Variants in SMYD2 observed in about 807,000 individuals in gnomAD.
SMYD2 encodes N-lysine methyltransferase SMYD2.
In SMYD2, 53 loss-of-function variants were observed where a neutral mutation model predicts 59.1. That is an observed-to-expected ratio of 0.90 (90% CI 0.72 to 1.13). The LOEUF (loss-of-function observed/expected upper bound fraction) is 1.13. Ranked by LOEUF, SMYD2 falls within the 50% of genes most tolerant of loss-of-function variation. The pLI is 0.00. For synonymous variants in SMYD2, 208 were observed against 198.8 expected (o/e 1.05, Z -0.39); for missense variants, 494 against 544.7 (o/e 0.91, Z 0.93).
rs1445420939 is a variant in SMYD2, at chr1:214,312,315, A to G, written c.238-2447A>G. ...GTAGGGAGATATCTTCATTCCTTCAACAACTATATTGAGTGCCTACTAAAT... is the reference window on the plus strand; with the variant it reads ...GTAGGGAGATATCTTCATTCCTTCAGCAACTATATTGAGTGCCTACTAAAT... On this transcript the variant is annotated intron_variant, in intron 2 of 11. Coordinates refer to ENST00000366957, the MANE Select transcript of SMYD2 (RefSeq NM_020197.3). This position sits in a 1 kb window ranked among gnomAD's most constrained non-coding sequence, Gnocchi z 4.1. 6.6e-6 allele frequency among the ~76,000 whole-genome samples: 1 copy of G among 152,142 alleles called. No individual in the cohort carries two copies. The highest frequency in any genetic ancestry group is 1.5e-5 in the Non-Finnish European group (1 of 68,032).
At position 214,305,087 on chromosome 1, in the gene SMYD2, C is replaced by T. The variant is rs371754046; in HGVS notation, c.174-100C>T. 172 of 1,103,290 alleles carry T rather than the reference C, an allele frequency of 1.6e-4. No homozygotes were observed. In the South Asian group the frequency reaches 2.1e-3, roughly 14 times the overall value. The allele number at this position is 1,103,290 out of a possible 1,614,324, so 68.3% of individuals were successfully genotyped here. A position where few individuals can be genotyped will look rare whatever the true frequency, so the allele number is the denominator to read the frequency against. ...GAGAGTAAGGTAAGGTGAACCTTGG[C>T]TCTGCTTTCCAACCAAGTGGCTTTT... On this transcript the variant is annotated intron_variant, in intron 1 of 11. Transcript: ENST00000366957.
At position 214,324,709 on chromosome 1, in the gene SMYD2, G is replaced by A. The variant is rs1657234710; in HGVS notation, c.602+1G>A. The A allele has an allele frequency of 6.2e-7, 1 of 1,611,406 alleles. No individual in the cohort carries two copies. The highest frequency in any genetic ancestry group is 8.5e-7 in the Non-Finnish European group (1 of 1,178,720). ...ATTTGGGATCAGCGATATTTCCTGA[G>A]TAGGCTGTGTTTGACTTCATTTCTT... On this transcript the variant is annotated splice_donor_variant, in intron 6 of 11. Coordinates refer to ENST00000366957, the MANE Select transcript of SMYD2 (RefSeq NM_020197.3). LOFTEE classifies it high-confidence loss of function.
At chr1:214,283,180 A>AC (rs1206322171) in intron 1 of SMYD2, among the ~76,000 whole-genome samples, 1 of 152,242 alleles carries the variant, frequency 6.6e-6, no homozygotes, top group African/African-American at 2.4e-5. Context: ...AATTGTATCT[A>AC]CTACGCATAC....
At chr1:214,290,499 A>G (rs558153626) in intron 1 of SMYD2, among the ~76,000 whole-genome samples, 9 of 152,336 alleles carry the variant, frequency 5.9e-5, no homozygotes, top group African/African-American at 2.2e-4. Context: ...TGGCAAGTTT[A>G]TAGTCCCTAG....
chr1:214,331,821 G>A (rs143026763), intron 9 of SMYD2, 197 bp from the exon 10 acceptor site: 23 of 561,540 alleles, frequency 4.1e-5, no homozygotes, highest in East Asian at 2.4e-4. Flanking sequence ...TGAGTTGAGC[G>A]GTTCCGACCT....
chr1:214,282,456 C>T (rs1656466470), intron 1 of SMYD2, among the ~76,000 whole-genome samples: 1 of 152,192 alleles, frequency 6.6e-6, no homozygotes, highest in Non-Finnish European at 1.5e-5. Flanking sequence ...CCTTCCAGTA[C>T]TCTGAGTAGA....
chr1:214,303,652 C>G (rs972262684), intron 1 of SMYD2, among the ~76,000 whole-genome samples: 21 of 152,336 alleles, frequency 1.4e-4, no homozygotes, highest in African/African-American at 5.1e-4. Flanking sequence ...CTGTTTAGTT[C>G]CAACAGCAGA....
At chr1:214,288,690 T>C (rs995842788) in intron 1 of SMYD2, among the ~76,000 whole-genome samples, 1 of 152,368 alleles carries the variant, frequency 6.6e-6, no homozygotes, top group South Asian at 2.1e-4. Context: ...TATGCTGATA[T>C]GGACTTAAAC....
intron 1 of SMYD2, among the ~76,000 whole-genome samples, chr1:214,299,451 G>A (rs978415828): frequency 9.8e-6 from 1 of 101,740 alleles, no homozygotes; most frequent in Non-Finnish European, 1.9e-5. Flanking sequence ...ACAGTGAACT[G>A]GATAAAGAAA....
intron 1 of SMYD2, among the ~76,000 whole-genome samples, chr1:214,281,710 G>C (rs1209743509): frequency 6.6e-6 from 1 of 152,230 alleles, no homozygotes; most frequent in African/African-American, 2.4e-5. Context: ...GGGCGTGCAG[G>C]TTCCTGCCCT....
At chr1:214,331,250 A>G in intron 9 of SMYD2, 180 bp downstream of exon 9, 1 of 920,882 alleles carries the variant, frequency 1.1e-6, no homozygotes, top group Non-Finnish European at 1.6e-6. Context: ...ATCCTGTTGG[A>G]GTTGTATGAT....
chr1:214,305,701 T>C, intron 2 of SMYD2, among the ~76,000 whole-genome samples: 1 of 130,560 alleles, frequency 7.7e-6, no homozygotes, highest in East Asian at 2.4e-4. Flanking sequence ...TAGTCCAGCC[T>C]CTGTATAGCC....
In SMYD2 at chr1:214,325,796, T is replaced by TTA. The variant is rs1553255940; in HGVS notation, c.602+1088_602+1089insTA. 8.3e-3 allele frequency among the ~76,000 whole-genome samples: 1,148 copies of TTA among 138,288 alleles called. 20 individuals carry two copies. The highest frequency in any genetic ancestry group is 0.028 in the African/African-American group (1,058 of 38,098). 90.7% of individuals were successfully genotyped at this position (138,288 alleles called of 152,430 possible). A position where few individuals can be genotyped will look rare whatever the true frequency, so the allele number is the denominator to read the frequency against. On this transcript the variant is annotated intron_variant, in intron 6 of 11. Coordinates refer to ENST00000366957, the MANE Select transcript of SMYD2 (RefSeq NM_020197.3). ...AGCTTTTTTTTTTTTTTTTTTTTTTTAACTTTGGCCCCTGGGAAAAGGCAG... is the reference window on the plus strand; with the variant it reads ...AGCTTTTTTTTTTTTTTTTTTTTTTTTAAACTTTGGCCCCTGGGAAAAGGCAG...
chr1:214,334,123 C>G (rs543829479), intron 10 of SMYD2, 77 bp from the exon 11 acceptor site: 17 of 1,361,588 alleles, frequency 1.2e-5, no homozygotes, highest in Non-Finnish European at 1.8e-5. Flanking sequence ...TGGCAGCCTC[C>G]GGCTTACTGC....
At chr1:214,330,453 C>G (rs1657333830) in intron 8 of SMYD2, among the ~76,000 whole-genome samples, 175 bp downstream of exon 8, 1 of 152,160 alleles carries the variant, frequency 6.6e-6, no homozygotes, top group South Asian at 2.1e-4. Context: ...CAGACCTGCT[C>G]CTAGTAGCTA....
At chr1:214,320,884 A>G (rs1301740729) in intron 5 of SMYD2, among the ~76,000 whole-genome samples, 1 of 152,256 alleles carries the variant, frequency 6.6e-6, no homozygotes, top group Non-Finnish European at 1.5e-5. Context: ...TTACCTAAGT[A>G]TCCTGAGACA....
At chr1:214,319,125 G>A (rs1480473500) in intron 5 of SMYD2, 142 bp downstream of exon 5, 9 of 1,126,002 alleles carry the variant, frequency 8.0e-6, no homozygotes, top group Admixed American at 2.3e-5. Flanking sequence ...ATTGGACCGT[G>A]TGTTGCCATA....
chr1:214,283,019 C>G (rs1656474063), intron 1 of SMYD2, among the ~76,000 whole-genome samples: 2 of 152,176 alleles, frequency 1.3e-5, no homozygotes, highest in South Asian at 2.1e-4. Context: ...AAGCCATCGC[C>G]TAAGACCATG....
At chr1:214,284,337 C>T (rs551934393) in intron 1 of SMYD2, among the ~76,000 whole-genome samples, 25 of 141,174 alleles carry the variant, frequency 1.8e-4, no homozygotes, top group Admixed American at 2.9e-4. Flanking sequence ...CTCAGCTCAC[C>T]ACAACCTCCA....
Sources: gnomAD v4.1 joint callset for allele counts (sites outside exome capture counted in the v4.1 genomes callset) on GRCh38, gnomAD v4.1.1 for gene constraint, Gnocchi (gnomAD v3.1) non-coding constraint, MANE v1.5 for transcripts, NCBI Gene and HGNC (gene_info 2026-07-23, HGNC 2026-07-21) for gene names.